Variants in JAZF1 observed in about 807,000 individuals in gnomAD.
JAZF1 encodes the protein JAZF zinc finger 1, also known as juxtaposed with another zinc finger protein 1.
JAZF1 carries 8 observed loss-of-function variants against 26.4 expected under a neutral mutation model. The ratio of observed to expected loss-of-function variants is 0.30; its 90% CI spans 0.18 to 0.55. JAZF1 has a LOEUF of 0.55. Among genes scored for constraint, JAZF1 ranks in the 20% least tolerant of loss-of-function variants. The pLI, the probability that JAZF1 is intolerant of heterozygous loss-of-function variation, is 0.94. For missense variants in JAZF1, 199 were observed against 322.0 expected (o/e 0.62, Z 2.92); for synonymous variants, 126 against 122.3 (o/e 1.03, Z -0.20).
intron 1 of JAZF1, among the ~76,000 whole-genome samples, chr7:28,001,487 A>T (rs1167971883): frequency 2.6e-5 from 4 of 152,270 alleles, no homozygotes; most frequent in Non-Finnish European, 1.5e-5. Flanking sequence ...TCTCTGTGCA[A>T]CTGAGAGGAA....
At chr7:28,172,214 T>A (rs1783481484) in intron 1 of JAZF1, among the ~76,000 whole-genome samples, 1 of 152,242 alleles carries the variant, frequency 6.6e-6, no homozygotes, top group Non-Finnish European at 1.5e-5. Flanking sequence ...CCCTCAAGCA[T>A]GGGTGATCAA....
At chr7:28,103,141 C>A (rs1289786941) in intron 1 of JAZF1, among the ~76,000 whole-genome samples, 2 of 152,214 alleles carry the variant, frequency 1.3e-5, no homozygotes, top group Non-Finnish European at 2.9e-5. Flanking sequence ...GCTTTTCCTT[C>A]CACCTCGGTG....
intron 1 of JAZF1, among the ~76,000 whole-genome samples, chr7:28,096,560 A>G (rs1784387439): frequency 6.6e-6 from 1 of 152,246 alleles, no homozygotes; most frequent in Non-Finnish European, 1.5e-5. Context: ...TCACATAATC[A>G]TTCATGCATG....
intron 2 of JAZF1, among the ~76,000 whole-genome samples, chr7:27,969,780 A>G (rs1036234628): frequency 7.0e-6 from 1 of 141,954 alleles, no homozygotes; most frequent in Admixed American, 7.3e-5. Context: ...TTTAGAGGCA[A>G]TGTGTATGAG....
In JAZF1 at chr7:28,030,182, T is replaced by G. The variant is rs908067974; in HGVS notation, c.116-38201A>C. The stretch of plus-strand genomic sequence containing the variant: ...ATGTTTCTAAAGAATTGAAAAGGAG[T>G]GTTCAGTTTAAATATACAGATACAG... On this transcript the variant is annotated intron_variant, in intron 1 of 4. Transcript: ENST00000283928. Among the ~76,000 whole-genome samples the G allele has an allele frequency of 9.2e-5, 14 of 151,638 alleles. 1 individual carries two copies. The highest frequency in any genetic ancestry group is 2.9e-5 in the Non-Finnish European group (2 of 67,906).
Position 27,832,454 on chromosome 7 carries a change from C to CCCCT in JAZF1, c.*342_*345dup. The CCCCT allele has an allele frequency of 4.3e-6, 1 of 232,644 alleles. No homozygotes were observed. The highest frequency in any genetic ancestry group is 1.3e-3 in the Middle Eastern group (1 of 768). The allele number at this position is 232,644 out of a possible 1,614,324, so 14.4% of individuals were successfully genotyped here. ...CTTGAAAAAAAAATCTCAGTGCCAG[C>CCCCT]CCCTCCTCCCCCCAGGTTGATACCA... On this transcript the variant is annotated 3_prime_UTR_variant, in exon 5 of 5. Transcript: ENST00000283928.
intron 3 of JAZF1, among the ~76,000 whole-genome samples, chr7:27,852,698 A>G (rs1188471598): frequency 6.6e-6 from 1 of 152,132 alleles, no homozygotes; most frequent in Non-Finnish European, 1.5e-5. Context: ...AAATATCTAT[A>G]TTTTATAAAC....
In JAZF1 at chr7:28,129,765, G is replaced by C. The variant is rs1217228425; in HGVS notation, c.115+50698C>G. Among the ~76,000 whole-genome samples the C allele has an allele frequency of 2.6e-5, 4 of 152,226 alleles. No individual in the cohort carries two copies. In the East Asian group the frequency reaches 7.7e-4, roughly 29 times the overall value. ...AGAAAAGAAAGAAAAACAAAAGGGA[G>C]AAAGTATAAAATACCCACAATCACA... is the stretch of plus-strand genomic sequence containing the variant. On this transcript the variant is annotated intron_variant, in intron 1 of 4. Transcript: ENST00000283928.
At chr7:27,872,571 G>A (rs543128381) in intron 3 of JAZF1, among the ~76,000 whole-genome samples, 1 of 152,296 alleles carries the variant, frequency 6.6e-6, no homozygotes, top group Admixed American at 6.5e-5. Flanking sequence ...ACTTTGGCAA[G>A]TGTTTAAAGA....
At chr7:28,121,939 C>T (rs775320302) in intron 1 of JAZF1, among the ~76,000 whole-genome samples, 1 of 152,216 alleles carries the variant, frequency 6.6e-6, no homozygotes, top group Non-Finnish European at 1.5e-5. Context: ...GCTGCCATCA[C>T]ACCTAGAGGA....
intron 1 of JAZF1, among the ~76,000 whole-genome samples, chr7:28,177,859 C>T (rs1783571839): frequency 6.6e-6 from 1 of 152,146 alleles, no homozygotes; most frequent in African/African-American, 2.4e-5. Context: ...TTATATGACA[C>T]TATCTACTAA....
At chr7:28,102,695 C>T (rs1375845777) in intron 1 of JAZF1, among the ~76,000 whole-genome samples, 1 of 152,186 alleles carries the variant, frequency 6.6e-6, no homozygotes, top group African/African-American at 2.4e-5. Flanking sequence ...CTACAATCAA[C>T]AGCTTTGTCT....
At chr7:28,138,275 G>A (rs1021915655) in intron 1 of JAZF1, among the ~76,000 whole-genome samples, 3 of 152,206 alleles carry the variant, frequency 2.0e-5, no homozygotes, top group African/African-American at 7.2e-5. Context: ...AACAGAGCCA[G>A]CCAGGTAAGA....
intron 3 of JAZF1, among the ~76,000 whole-genome samples, chr7:27,867,760 C>T (rs1442781327): frequency 6.6e-6 from 1 of 152,204 alleles, no homozygotes; most frequent in Non-Finnish European, 1.5e-5. Context: ...GGCATGACAA[C>T]AAAGACCGAG....
chr7:27,837,181 A>C (rs1047731165), intron 4 of JAZF1, among the ~76,000 whole-genome samples: 2 of 152,180 alleles, frequency 1.3e-5, no homozygotes, highest in African/African-American at 4.8e-5. Flanking sequence ...CAAAACAAAA[A>C]AACTTTAAAA....
chr7:28,048,486 T>C (rs1783534567), intron 1 of JAZF1, among the ~76,000 whole-genome samples: 1 of 152,280 alleles, frequency 6.6e-6, no homozygotes, highest in South Asian at 2.1e-4. Flanking sequence ...GTTTCTTTTC[T>C]TTTTTAGGCC....
chr7:27,895,502 G>C lies in JAZF1; in HGVS notation c.189-86C>G, dbSNP rs772813568. The C allele has an allele frequency of 3.0e-6, 3 of 994,378 alleles. No homozygotes were observed. In the East Asian group the frequency reaches 8.6e-5, roughly 28 times the overall value. The allele number at this position is 994,378 out of a possible 1,614,324, so 61.6% of individuals were successfully genotyped here. On this transcript the variant is annotated intron_variant, in intron 2 of 4. Coordinates refer to ENST00000283928, the MANE Select transcript of JAZF1 (RefSeq NM_175061.4). The stretch of plus-strand genomic sequence containing the variant: ...ATTTATTAGAGTTTCAGACATGCAC[G>C]ACCCTGGAAAAGGACCTTGGCCACA...
chr7:27,878,836 T>C (rs962526275), intron 3 of JAZF1, among the ~76,000 whole-genome samples: 2 of 152,188 alleles, frequency 1.3e-5, no homozygotes, highest in Non-Finnish European at 2.9e-5. Flanking sequence ...ACAGCCCCCT[T>C]CCGTTCATGT....
intron 1 of JAZF1, among the ~76,000 whole-genome samples, chr7:28,164,265 C>G (rs1456543075): frequency 1.3e-5 from 2 of 152,218 alleles, no homozygotes; most frequent in African/African-American, 4.8e-5. Context: ...TTGTCTAAAG[C>G]TACTGAGTTT....
Sources: gnomAD v4.1 joint callset for allele counts (sites outside exome capture counted in the v4.1 genomes callset) on GRCh38, gnomAD v4.1.1 for gene constraint, MANE v1.5 for transcripts, NCBI Gene and HGNC (gene_info 2026-07-23, HGNC 2026-07-21) for gene names.